PDE1C: variants seen among roughly 807,000 people sequenced by gnomAD.
PDE1C encodes the protein dual specificity calcium/calmodulin-dependent 3',5'-cyclic nucleotide phosphodiesterase 1C.
Under a neutral mutation model 93.1 loss-of-function variants are expected in PDE1C, and 62 were observed. The observed-to-expected ratio is 0.67, with a 90% CI of 0.54 to 0.82. The LOEUF (loss-of-function observed/expected upper bound fraction) is 0.82. PDE1C is among the 40% of genes least tolerant of loss of function. The pLI is 0.00. For synonymous variants in PDE1C, 325 were observed against 310.1 expected (o/e 1.05, Z -0.50); for missense variants, 742 against 884.6 (o/e 0.84, Z 2.04).
intron 3 of PDE1C, among the ~76,000 whole-genome samples, chr7:32,103,387 T>C (rs890250654): frequency 6.6e-6 from 1 of 151,978 alleles, no homozygotes; most frequent in African/African-American, 2.4e-5. Context: ...GGGGTGAGGA[T>C]GGACTGGAGG....
At position 32,315,315 on chromosome 7, in the gene PDE1C, C is replaced by T. The variant is rs538104414; in HGVS notation, c.311-105776G>A. Among the ~76,000 whole-genome samples the T allele has an allele frequency of 2.0e-5, 3 of 151,748 alleles. No homozygotes were observed. In the East Asian group the frequency reaches 5.8e-4, roughly 29 times the overall value. On this transcript the variant is annotated intron_variant, in intron 1 of 1. Transcript: ENST00000672256. Reference sequence around the variant, plus strand: ...CTTTTTGTTTTGGGGTGATTTTTGCCTGCTTGGTGCTTAAAAAATATTTAA... The same window carrying T: ...CTTTTTGTTTTGGGGTGATTTTTGCTTGCTTGGTGCTTAAAAAATATTTAA...
At chr7:31,841,082 T>A (rs944735066) in intron 9 of PDE1C, among the ~76,000 whole-genome samples, 6 of 152,052 alleles carry the variant, frequency 3.9e-5, no homozygotes, top group Non-Finnish European at 7.4e-5. Context: ...TACTACATAA[T>A]CTTTAGTGAA....
upstream of PDE1C, among the ~76,000 whole-genome samples, chr7:32,075,809 C>T (rs572225366): frequency 1.3e-5 from 2 of 152,132 alleles, no homozygotes; most frequent in Non-Finnish European, 2.9e-5. Flanking sequence ...CTCTCTCTGC[C>T]AGGATCCTTC....
intron 3 of PDE1C, among the ~76,000 whole-genome samples, chr7:32,116,726 G>A (rs1799003042): frequency 3.9e-5 from 6 of 152,142 alleles, no homozygotes; most frequent in Admixed American, 2.0e-4. Flanking sequence ...CCAGAATACA[G>A]GAGGTTGACC....
chr7:31,651,015 C>T, the PDE1C span: 1 of 996,378 alleles, frequency 1.0e-6, no homozygotes, highest in East Asian at 2.7e-5. Flanking sequence ...TTCCCTCCCC[C>T]TTATATTAGC....
chr7:32,238,428 T>C (rs1384435491), intron 1 of PDE1C, among the ~76,000 whole-genome samples: 1 of 152,264 alleles, frequency 6.6e-6, no homozygotes, highest in African/African-American at 2.4e-5. Context: ...GTTATATATT[T>C]TAACTAAGTG....
chr7:31,732,656 G>A, the PDE1C span, among the ~76,000 whole-genome samples: 1 of 151,156 alleles, frequency 6.6e-6, no homozygotes, highest in South Asian at 2.1e-4. Context: ...GTGTGTGTGT[G>A]TGTGTGTGTG....
intron 3 of PDE1C, among the ~76,000 whole-genome samples, chr7:32,126,022 T>C (rs1417461233): frequency 3.3e-5 from 5 of 152,130 alleles, no homozygotes; most frequent in Admixed American, 2.0e-4. Context: ...CCCAATATGA[T>C]TGAGAAATTT....
intron 1 of PDE1C, among the ~76,000 whole-genome samples, chr7:32,292,783 G>A (rs1812413721): frequency 2.0e-5 from 3 of 152,162 alleles, no homozygotes; most frequent in South Asian, 4.1e-4. Flanking sequence ...GCTCAGGACC[G>A]TCATTCCTTC....
chr7:32,107,770 A>T (rs1798405502), intron 3 of PDE1C, among the ~76,000 whole-genome samples: 1 of 152,168 alleles, frequency 6.6e-6, no homozygotes, highest in South Asian at 2.1e-4. Context: ...TTTCTTAATT[A>T]TCAAATAAAA....
intron 2 of PDE1C, among the ~76,000 whole-genome samples, chr7:32,042,160 C>T (rs2128663244): frequency 6.6e-6 from 1 of 152,250 alleles, no homozygotes; most frequent in African/African-American, 2.4e-5. Context: ...AGTAGCTGGG[C>T]ATGATGGCAT....
At chr7:32,180,463 T>A (rs766684182) in intron 2 of PDE1C, among the ~76,000 whole-genome samples, 3 of 152,140 alleles carry the variant, frequency 2.0e-5, no homozygotes, top group Admixed American at 6.5e-5. Context: ...GGTGATTGGG[T>A]CATGAGGGAT....
chr7:32,118,744 G>A (rs866200182), intron 3 of PDE1C, among the ~76,000 whole-genome samples: 1 of 152,080 alleles, frequency 6.6e-6, no homozygotes, highest in Middle Eastern at 3.2e-3. Flanking sequence ...CATTCATGAG[G>A]GCAGAGTCTT....
chr7:31,886,851 T>TTTCAGAATAGATCTTTTCGGATCTA (rs1797978677), intron 2 of PDE1C, among the ~76,000 whole-genome samples: 4 of 10,650 alleles, frequency 3.8e-4, no homozygotes, highest in East Asian at 1.4e-3. Flanking sequence ...TTTCGGATCT[T>TTTCAGAATAGATCTTTTCGGATCTA]TTCAGAATAG....
chr7:32,183,199 C>A (rs1411503187), intron 2 of PDE1C, among the ~76,000 whole-genome samples: 1 of 152,104 alleles, frequency 6.6e-6, no homozygotes, highest in Non-Finnish European at 1.5e-5. Flanking sequence ...TAGGAAGAAT[C>A]AATATCATGA....
downstream of PDE1C, among the ~76,000 whole-genome samples, chr7:31,750,735 T>A (rs1269887585): frequency 6.6e-6 from 1 of 152,218 alleles, no homozygotes; most frequent in African/African-American, 2.4e-5. Context: ...TTTGTTTTGT[T>A]TTGTTTTGTT....
chr7:32,085,249 C>A (rs1307019667), intron 3 of PDE1C, among the ~76,000 whole-genome samples: 1 of 147,014 alleles, frequency 6.8e-6, no homozygotes, highest in Non-Finnish European at 1.5e-5. Flanking sequence ...ACTAGAAAAT[C>A]TAGAAGAAAT....
chr7:31,834,524 CAT>C (rs1178020259), intron 11 of PDE1C, among the ~76,000 whole-genome samples: 2 of 152,142 alleles, frequency 1.3e-5, no homozygotes, highest in African/African-American at 4.8e-5. Flanking sequence ...GGATGTGAGA[CAT>C]AGAGTCAAAA....
At chr7:32,160,078 G>A (rs1282118591) in intron 3 of PDE1C, among the ~76,000 whole-genome samples, 1 of 152,086 alleles carries the variant, frequency 6.6e-6, no homozygotes, top group Admixed American at 6.6e-5. Context: ...CACAGCCACA[G>A]GAGGAGTGGA....
Sources: gnomAD v4.1 joint callset for allele counts (sites outside exome capture counted in the v4.1 genomes callset) on GRCh38, gnomAD v4.1.1 for gene constraint, MANE v1.5 for transcripts, NCBI Gene and HGNC (gene_info 2026-07-23, HGNC 2026-07-21) for gene names.